The following PCDHA9 variants were observed in gnomAD, a reference collection of about 807,000 sequenced individuals.
PCDHA9 encodes protocadherin alpha 9.
In PCDHA9, 62 loss-of-function variants were observed where a neutral mutation model predicts 62.0. The observed-to-expected ratio is 1.00, with a 90% CI of 0.81 to 1.23. The LOEUF is 1.23. PCDHA9 is among the 50% of genes most tolerant of loss of function. The pLI is 0.00. For missense variants in PCDHA9, 1,205 were observed against 1,249.8 expected (o/e 0.96, Z 0.54); for synonymous variants, 557 against 567.6 (o/e 0.98, Z 0.27).
At chr5:140,863,062 G>T (rs62384481) in intron 1 of PCDHA9, 19 of 565,590 alleles carry the variant, frequency 3.4e-5, no homozygotes, top group Non-Finnish European at 5.9e-5. Flanking sequence ...CCCGTTCCAC[G>T]TGGGGCTCTG....
rs199814121 is a variant in PCDHA9, at chr5:140,884,467, G to T, written c.2394+33578G>T. 3.9e-5 allele frequency: 63 copies of T among 1,613,778 alleles called. No individual in the cohort carries two copies. In the East Asian group the frequency reaches 1.3e-3, roughly 33 times the overall value. The stretch of plus-strand genomic sequence containing the variant: ...CACCGCCCACCGAGGGCGCGTGCGC[G>T]CCGGGCAAGCCCACTCTAGTGTGCT... On this transcript the variant is annotated intron_variant, in intron 1 of 3. Transcript: ENST00000532602.
intron 1 of PCDHA9, among the ~76,000 whole-genome samples, chr5:140,913,986 G>A (rs1326699020): frequency 1.3e-5 from 2 of 152,048 alleles, no homozygotes; most frequent in African/African-American, 4.8e-5. Context: ...GACTTGTATT[G>A]TGACTAGCAT....
intron 1 of PCDHA9, chr5:140,966,442 T>C (rs1474683794): frequency 4.7e-6 from 2 of 424,056 alleles, no homozygotes; most frequent in East Asian, 3.6e-5. Flanking sequence ...TACCGCTCCC[T>C]TTCCCCCTCC....
intron 1 of PCDHA9, chr5:140,930,486 G>T (rs1211564539): frequency 6.6e-6 from 1 of 152,320 alleles, no homozygotes; most frequent in Non-Finnish European, 1.5e-5. Flanking sequence ...GCCTCCCAAA[G>T]TGCTGGGATT....
intron 1 of PCDHA9, chr5:140,871,263 G>T: frequency 6.2e-7 from 1 of 1,614,010 alleles, no homozygotes; most frequent in South Asian, 1.1e-5. Flanking sequence ...ATACGGCGCT[G>T]TGGTGGTCGG....
intron 1 of PCDHA9, chr5:140,875,979 C>G: frequency 3.7e-6 from 6 of 1,613,984 alleles, no homozygotes; most frequent in Non-Finnish European, 5.1e-6. Flanking sequence ...CTCTTTTGAC[C>G]TATGCGTTAA....
At chr5:140,854,798 A>G (rs2043232983) in intron 1 of PCDHA9, 1 of 149,748 alleles carries the variant, frequency 6.7e-6, no homozygotes, top group African/African-American at 2.4e-5. Flanking sequence ...GAGAGAGAAA[A>G]AAATATTTTT....
intron 3 of PCDHA9, among the ~76,000 whole-genome samples, chr5:140,997,147 A>G (rs545988847): frequency 5.9e-5 from 9 of 152,134 alleles, no homozygotes; most frequent in African/African-American, 2.2e-4. Context: ...CCCCCGCCAC[A>G]GTGACATCCT....
intron 3 of PCDHA9, among the ~76,000 whole-genome samples, chr5:140,999,619 G>A (rs2097865766): frequency 6.6e-6 from 1 of 152,146 alleles, no homozygotes; most frequent in Non-Finnish European, 1.5e-5. Flanking sequence ...TTATCAACCA[G>A]GAAACAAGGT....
At chr5:140,912,689 C>T (rs879967123) in intron 1 of PCDHA9, among the ~76,000 whole-genome samples, 1 of 152,112 alleles carries the variant, frequency 6.6e-6, no homozygotes, top group Admixed American at 6.5e-5. Context: ...TTCCAGGTCT[C>T]AGGGGGAATG....
At chr5:141,002,600 A>G (rs1269340072) in intron 3 of PCDHA9, among the ~76,000 whole-genome samples, 1 of 152,204 alleles carries the variant, frequency 6.6e-6, no homozygotes, top group Non-Finnish European at 1.5e-5. Flanking sequence ...CCCCTCATCT[A>G]TAAAACAGAC....
chr5:140,946,298 G>A (rs1670826449), intron 1 of PCDHA9, among the ~76,000 whole-genome samples: 1 of 151,840 alleles, frequency 6.6e-6, no homozygotes, highest in Admixed American at 6.6e-5. Flanking sequence ...CCTCACACCT[G>A]GTAGAATGGC....
At chr5:140,914,809 T>G (rs532202561) in intron 1 of PCDHA9, among the ~76,000 whole-genome samples, 21 of 152,314 alleles carry the variant, frequency 1.4e-4, no homozygotes, top group African/African-American at 5.1e-4. Flanking sequence ...TGATGGCAAC[T>G]TAACAGACTG....
chr5:140,941,701 C>T (rs1312324595), intron 1 of PCDHA9, among the ~76,000 whole-genome samples: 3 of 152,142 alleles, frequency 2.0e-5, no homozygotes, highest in Non-Finnish European at 4.4e-5. Context: ...TTGGGCTTAG[C>T]TTTCCTCCAC....
At chr5:140,910,276 A>G (rs1461426502) in intron 1 of PCDHA9, among the ~76,000 whole-genome samples, 2 of 152,124 alleles carry the variant, frequency 1.3e-5, no homozygotes, top group African/African-American at 4.8e-5. Flanking sequence ...ACTTCTAGGA[A>G]CACCATGATT....
chr5:140,871,176 G>A (rs782559553), intron 1 of PCDHA9: 12 of 1,613,416 alleles, frequency 7.4e-6, no homozygotes, highest in Non-Finnish European at 1.0e-5. Flanking sequence ...CAGAGGCTGC[G>A]CTGGTGGATG....
intron 1 of PCDHA9, among the ~76,000 whole-genome samples, chr5:140,970,254 T>C (rs1315934666): frequency 1.3e-5 from 2 of 152,238 alleles, no homozygotes; most frequent in African/African-American, 4.8e-5. Context: ...TGACAGTTTC[T>C]ATGGTTTTGA....
chr5:141,007,844 C>T (rs782712601), intron 3 of PCDHA9, among the ~76,000 whole-genome samples: 3 of 152,176 alleles, frequency 2.0e-5, no homozygotes, highest in Non-Finnish European at 4.4e-5. Context: ...ATTAGAGACT[C>T]AAAGTCCTTA....
At position 140,979,408 on chromosome 5, in the gene PCDHA9, G is replaced by GT. The variant is rs558051720; in HGVS notation, c.2453+411dup. Among the ~76,000 whole-genome samples the GT allele has an allele frequency of 3.0e-3, 447 of 147,714 alleles. 2 individuals carry two copies. Among genetic ancestry groups the GT allele is most frequent in the East Asian group, 0.02 (102 of 5,050 alleles). On this transcript the variant is annotated intron_variant, in intron 2 of 3. Coordinates refer to ENST00000532602, the MANE Select transcript of PCDHA9 (RefSeq NM_031857.2). ...TGTATACATACATGTTGTCTACCTT[G>GT]TTTTTTTTTTAATCTCACATTGGCT...
Sources: allele counts gnomAD v4.1 joint callset (sites outside exome capture counted in the v4.1 genomes callset), GRCh38; gene constraint gnomAD v4.1.1; transcripts MANE v1.5; gene names NCBI Gene and HGNC (gene_info 2026-07-23, HGNC 2026-07-21).